Variants in AHNAK observed in about 807,000 individuals in gnomAD.
AHNAK encodes AHNAK nucleoprotein.
AHNAK carries 23 observed loss-of-function variants against 37.8 expected under a neutral mutation model. The observed-to-expected ratio is 0.61, with a 90% CI of 0.44 to 0.86. AHNAK has a LOEUF of 0.86. Among genes scored for constraint, AHNAK ranks in the 40% least tolerant of loss-of-function variants. The probability of loss-of-function intolerance (pLI) is 0.00; values close to 1 mark genes in which losing one functional copy is unlikely to be tolerated. For synonymous variants in AHNAK, 2,481 were observed against 2,636.3 expected (o/e 0.94, Z 1.80); for missense variants, 7,411 against 7,319.4 (o/e 1.01, Z -0.46).
Position 62,433,612 on chromosome 11 carries a change from C to T in AHNAK, c.*272G>A, listed in dbSNP as rs192224861. ...CACCTGAGCACCATAGTTGCCAAAG[C>T]CCCCTCTAGTCCCAAACCTAAGCCC... On this transcript the variant is annotated 3_prime_UTR_variant, in exon 6 of 6. Transcript: ENST00000257247. The T allele has an allele frequency of 2.8e-5, 15 of 535,144 alleles. No homozygotes were observed. In the East Asian group the frequency reaches 4.2e-4, roughly 15 times the overall value. The allele number at this position is 535,144 out of a possible 1,614,324, so 33.1% of individuals were successfully genotyped here. A position where few individuals can be genotyped will look rare whatever the true frequency, so the allele number is the denominator to read the frequency against.
chr11:62,501,297 G>A (rs989503814), intron 4 of AHNAK, among the ~76,000 whole-genome samples: 16 of 152,208 alleles, frequency 1.1e-4, no homozygotes, highest in Admixed American at 2.0e-4. Flanking sequence ...TGCCAGGCAC[G>A]GTGGCTCACG....
Position 62,533,003 on chromosome 11 carries a change from G to A in AHNAK, c.1414C>T (p.Pro472Ser). 6.2e-7 allele frequency: 1 copy of A among 1,614,054 alleles called. No homozygotes were observed. Among genetic ancestry groups the A allele is most frequent in the South Asian group, 1.1e-5 (1 of 91,078 alleles). The change falls in exon 5 of 5, where the codon CCT becomes TCT. Residue 472 changes from proline to serine, a missense_variant. Pro to Ser is a moderately conservative substitution (Grantham distance 74). Coordinates refer to ENST00000378024, the MANE Select transcript of AHNAK (RefSeq NM_001620.3). Reference protein sequence around the residue: ...VPGVSGDVSLPEIATGGLEGK... With the variant: ...VPGVSGDVSLSEIATGGLEGK... ...TCCAGCCCACCAGTAGCAATCTCAGGCAGGCTGACATCCCCAGAGACCCCA... is the reference window on the plus strand; with the variant it reads ...TCCAGCCCACCAGTAGCAATCTCAGACAGGCTGACATCCCCAGAGACCCCA...
In AHNAK at chr11:62,526,393, T is replaced by C; in HGVS notation, c.8024A>G (p.Asp2675Gly). 1 of 1,611,314 alleles carries C rather than the reference T, an allele frequency of 6.2e-7. No individual in the cohort carries two copies. The highest frequency in any genetic ancestry group is 8.5e-7 in the Non-Finnish European group (1 of 1,179,384). Residue 2675 changes from aspartate to glycine, a missense_variant, in exon 5 of 5, where the codon GAC becomes GGC. Physicochemically the swap from Asp to Gly is moderately conservative, Grantham distance 94. Transcript: ENST00000378024. ...ADIDVSGPKV[D>G]IEGPDVNIEG... is the part of the protein sequence containing the mutation. ...AATGTTAACATCAGGGCCTTCAATG[T>C]CCACTTTGGGTCCTGAGACATCAAT...
rs183148069 is a variant in AHNAK at position 62,537,670 on chromosome 11, C to G, written c.-99-1103G>C. Among the ~76,000 whole-genome samples the G allele has an allele frequency of 4.3e-4, 65 of 151,870 alleles. No individual in the cohort carries two copies. The East Asian group carries it at 0.011, about 25-fold the overall frequency. On this transcript the variant is annotated intron_variant, in intron 1 of 4. Coordinates refer to ENST00000378024, the MANE Select transcript of AHNAK (RefSeq NM_001620.3). ...AGAGCACAACTATGCTGGGCTTGGA[C>G]CCGAGTCTGTAACTCCTTTTTTTTT...
rs1207104215 is a variant in AHNAK, at chr11:62,454,937, T to A, written c.443-21046A>T. ...ATTTCTTTTTATTTATTTATTTTTTTTTTTTTTTTGAGATGGAGTTTTGCT... is the reference window on the plus strand; with the variant it reads ...ATTTCTTTTTATTTATTTATTTTTTATTTTTTTTTGAGATGGAGTTTTGCT... On this transcript the variant is annotated intron_variant, in intron 5 of 5. Coordinates refer to the AHNAK transcript ENST00000257247. 3.9e-3 allele frequency among the ~76,000 whole-genome samples: 585 copies of A among 151,094 alleles called. 3 individuals are homozygous for A. Among genetic ancestry groups the A allele is most frequent in the African/African-American group, 0.014 (560 of 41,226 alleles).
intron 5 of AHNAK, among the ~76,000 whole-genome samples, chr11:62,471,997 G>A (rs1255730122): frequency 6.6e-6 from 1 of 152,134 alleles, no homozygotes; most frequent in East Asian, 1.9e-4. Context: ...CCCAGGGTCT[G>A]GGTCATCTCC....
rs1940509889 is a variant in AHNAK at position 62,526,850 on chromosome 11, A to T, written c.7567T>A (p.Phe2523Ile). The T allele has an allele frequency of 1.2e-6, 2 of 1,613,690 alleles. No homozygotes were observed. The highest frequency in any genetic ancestry group is 1.7e-4 in the Middle Eastern group (1 of 6,058). The change falls in exon 5 of 5, where the codon TTC becomes ATC. Residue 2523 changes from phenylalanine (F) to isoleucine (I), a missense_variant. Physicochemically the swap from Phe to Ile is conservative, Grantham distance 21. Transcript: ENST00000378024. ...MKMPKFSMPG[F>I]KAEGPEVDVN... ...TCTACTTCAGGGCCCTCTGCTTTGA[A>T]GCCAGGCATGCTGAACTTGGGCATT...
At chr11:62,509,339 G>C (rs1390210444) in intron 4 of AHNAK, among the ~76,000 whole-genome samples, 4 of 151,878 alleles carry the variant, frequency 2.6e-5, no homozygotes, top group African/African-American at 9.7e-5. Context: ...AGGCCAAGGT[G>C]GGTGGATCAC....
In AHNAK at chr11:62,520,350, G is replaced by A. The variant is rs758434756; in HGVS notation, c.14067C>T (p.Asp4689=). The A allele has an allele frequency of 2.1e-5, 34 of 1,612,472 alleles. No homozygotes were observed. Among genetic ancestry groups the A allele is most frequent in the Admixed American group, 1.5e-4 (9 of 59,822 alleles). The change falls in exon 5 of 5, where the codon GAC becomes GAT. Residue 4689 remains aspartate (D), a synonymous_variant. Coordinates refer to ENST00000378024, the MANE Select transcript of AHNAK (RefSeq NM_001620.3). ...CGATATTCACATCAGGAACATCAAC[G>A]TCCACTTTGGGTCCTGAGACATCAA... is the stretch of plus-strand genomic sequence containing the variant. ...ADIDVSGPKV[D]VDVPDVNIEG... is the part of the protein sequence containing the mutation.
intron 4 of AHNAK, among the ~76,000 whole-genome samples, chr11:62,509,851 G>A (rs1476988968): frequency 6.6e-6 from 1 of 152,080 alleles, no homozygotes; most frequent in Non-Finnish European, 1.5e-5. Context: ...CTAGGAGGTG[G>A]AGGTTGCAGT....
At chr11:62,484,704 C>T (rs1443961173) in intron 5 of AHNAK, among the ~76,000 whole-genome samples, 1 of 152,186 alleles carries the variant, frequency 6.6e-6, no homozygotes, top group African/African-American at 2.4e-5. Flanking sequence ...CTTAAGCATG[C>T]TTCCGAGTGA....
intron 5 of AHNAK, chr11:62,433,988 A>AGTGGGGGGACCTTCCTTC: frequency 6.7e-7 from 1 of 1,484,158 alleles, no homozygotes. Flanking sequence ...CAACTGAAAG[A>AGTGGGGGGACCTTCCTTC]AGGTCCCCCC....
At chr11:62,466,795 T>C (rs1938921371) in intron 5 of AHNAK, among the ~76,000 whole-genome samples, 1 of 152,186 alleles carries the variant, frequency 6.6e-6, no homozygotes, top group Admixed American at 6.6e-5. Flanking sequence ...TAAAACCTTA[T>C]TAATGCAAAC....
rs141940844 is a variant in AHNAK at position 62,525,615 on chromosome 11, G to A, written c.8802C>T (p.Gly2934=). ...CTGGTCCTTCAATGTTAACATCAGG[G>A]CCTTCAACGTCCACTTTGGGGCCTG... ...DVSGPKVDVE[G]PDVNIEGPEG... Residue 2934 remains glycine, a synonymous_variant, in exon 5 of 5, where the codon GGC becomes GGT. Coordinates refer to ENST00000378024, the MANE Select transcript of AHNAK (RefSeq NM_001620.3). 6 of 1,611,750 alleles carry A rather than the reference G, an allele frequency of 3.7e-6. No homozygotes were observed. The highest frequency in any genetic ancestry group is 5.1e-6 in the Non-Finnish European group (6 of 1,179,412).
rs2134211988 is a variant in AHNAK, at chr11:62,524,199, A to C, written c.10218T>G (p.Pro3406=). 6.2e-7 allele frequency: 1 copy of C among 1,613,272 alleles called. No individual in the cohort carries two copies. The highest frequency in any genetic ancestry group is 2.2e-5 in the East Asian group (1 of 44,890). Reference sequence around the variant, plus strand: ...CTTTGGGAGATGAAATACTCAGGAAAGGCATTTTAAACTTGGATCCTTTCA... The same window carrying C: ...CTTTGGGAGATGAAATACTCAGGAACGGCATTTTAAACTTGGATCCTTTCA... ...GKVKGSKFKM[P]FLSISSPKVS... is the part of the protein sequence containing the mutation. Residue 3406 remains proline (P), a synonymous_variant, in exon 5 of 5, where the codon CCT becomes CCG. Transcript: ENST00000378024.
At chr11:62,465,142 C>T (rs972756062) in intron 5 of AHNAK, among the ~76,000 whole-genome samples, 3 of 152,202 alleles carry the variant, frequency 2.0e-5, no homozygotes, top group Non-Finnish European at 2.9e-5. Flanking sequence ...GTTCTTACTC[C>T]ATCCTCTCCC....
Position 62,524,791 on chromosome 11 carries a change from A to C in AHNAK, c.9626T>G (p.Met3209Arg). Residue 3209 changes from methionine (M) to arginine (R), a missense_variant, in exon 5 of 5, where the codon ATG becomes AGG. Physicochemically the swap from Met to Arg is moderately conservative, Grantham distance 91. Coordinates refer to ENST00000378024, the MANE Select transcript of AHNAK (RefSeq NM_001620.3). ...AGGAGCTTTGATGTTCATCTCTGGC[A>C]TCTTGAATTTAGGGCCCTTCAGTTT... The part of the protein sequence containing the change: ...DAKLKGPKFK[M>R]PEMNIKAPKI... 6.2e-7 allele frequency: 1 copy of C among 1,614,184 alleles called. No homozygotes were observed. The highest frequency in any genetic ancestry group is 8.5e-7 in the Non-Finnish European group (1 of 1,180,030).
intron 4 of AHNAK, 74 bp downstream of exon 4, chr11:62,534,928 AG>A (rs1940892474): frequency 2.7e-6 from 4 of 1,491,852 alleles, no homozygotes; most frequent in Non-Finnish European, 3.7e-6. Context: ...GGCACATGGA[AG>A]GCTCAGGAGT....
At chr11:62,535,365 G>C (rs139285207) in intron 3 of AHNAK, among the ~76,000 whole-genome samples, 175 bp from the exon 4 acceptor site, 1 of 152,090 alleles carries the variant, frequency 6.6e-6, no homozygotes. Flanking sequence ...CCAATTTGTG[G>C]GGGCCAGGTG....
Sources: allele counts gnomAD v4.1 joint callset (sites outside exome capture counted in the v4.1 genomes callset), GRCh38; gene constraint gnomAD v4.1.1; transcripts MANE v1.5; gene names NCBI Gene and HGNC (gene_info 2026-07-23, HGNC 2026-07-21).